ZNF420: variants seen among roughly 807,000 people sequenced by gnomAD.
The protein encoded by ZNF420 is zinc finger protein 420.
ZNF420 carries 31 observed loss-of-function variants against 44.7 expected under a neutral mutation model. The ratio of observed to expected loss-of-function variants is 0.69; its 90% CI spans 0.52 to 0.94. ZNF420 has a LOEUF of 0.94. Ranked by LOEUF, ZNF420 falls within the 40% of genes least tolerant of loss-of-function variation. ZNF420 has a pLI of 0.00. For missense variants in ZNF420, 681 were observed against 827.9 expected, an observed-to-expected ratio of 0.82 and a Z score of 2.18; for synonymous variants, 245 against 267.4, an observed-to-expected ratio of 0.92 and a Z score of 0.82.
chr19:37,068,590 A>G (rs8102364), intron 1 of ZNF420, among the ~76,000 whole-genome samples: 3,673 of 152,294 alleles, frequency 0.024, 161 homozygotes, highest in African/African-American at 0.083. Flanking sequence ...TGGTGAGCCA[A>G]GATTGTGCCA....
At chr19:37,064,903 T>C (rs776719670) in intron 1 of ZNF420, among the ~76,000 whole-genome samples, 1 of 151,858 alleles carries the variant, frequency 6.6e-6, no homozygotes. Context: ...AAAAGACAGT[T>C]TGAGAGAGAA....
chr19:37,012,455 C>T (rs1302575157), intron 1 of ZNF420, among the ~76,000 whole-genome samples: 2 of 152,352 alleles, frequency 1.3e-5, no homozygotes, highest in Admixed American at 6.5e-5. Context: ...GGCCCTGAGG[C>T]TCCGGCCTGA....
At chr19:37,111,752 A>T (rs1465914838) in intron 4 of ZNF420, 1 of 152,160 alleles carries the variant, frequency 6.6e-6, no homozygotes, top group African/African-American at 2.4e-5. Flanking sequence ...GTTCTTTATT[A>T]TTTATGGCTG....
chr19:37,100,712 T>TG (rs1555762700), intron 4 of ZNF420, among the ~76,000 whole-genome samples: 3 of 103,392 alleles, frequency 2.9e-5, no homozygotes, highest in African/African-American at 1.4e-4. Flanking sequence ...AAACTCCATC[T>TG]CAAAAAAAAA....
At chr19:37,012,505 G>A (rs546422114) in intron 1 of ZNF420, among the ~76,000 whole-genome samples, 38 of 152,216 alleles carry the variant, frequency 2.5e-4, no homozygotes, top group Non-Finnish European at 5.0e-4. Context: ...CGGATGCCAA[G>A]AGTGGTGGAG....
intron 1 of ZNF420, among the ~76,000 whole-genome samples, chr19:37,018,205 G>A (rs1406755124): frequency 3.9e-5 from 6 of 152,166 alleles, no homozygotes; most frequent in African/African-American, 1.4e-4. Context: ...ATTTAATATT[G>A]TTAATATGTC....
At chr19:37,023,279 G>A (rs976713935) in intron 1 of ZNF420, among the ~76,000 whole-genome samples, 8 of 152,220 alleles carry the variant, frequency 5.3e-5, no homozygotes, top group African/African-American at 1.9e-4. Flanking sequence ...GCAATGCAAT[G>A]CTTTCCTATA....
intron 1 of ZNF420, among the ~76,000 whole-genome samples, chr19:37,015,479 C>T (rs1430442480): frequency 6.6e-6 from 1 of 152,126 alleles, no homozygotes; most frequent in Non-Finnish European, 1.5e-5. Flanking sequence ...CCTCAGGATC[C>T]CCTTGAGCCC....
At chr19:37,047,405 A>G (rs1967561427) in intron 1 of ZNF420, among the ~76,000 whole-genome samples, 1 of 152,194 alleles carries the variant, frequency 6.6e-6, no homozygotes, top group Admixed American at 6.5e-5. Flanking sequence ...TGCACAAGGC[A>G]TTATCTTAGA....
intron 1 of ZNF420, among the ~76,000 whole-genome samples, chr19:37,012,167 A>G (rs548826606): frequency 6.6e-6 from 1 of 151,760 alleles, no homozygotes; most frequent in South Asian, 2.1e-4. Flanking sequence ...TGAGGACAGG[A>G]CTCCTGGTGG....
At position 37,128,471 on chromosome 19, in the gene ZNF420, C is replaced by G. The variant is rs1269806343; in HGVS notation, c.1480C>G (p.Gln494Glu). Residue 494 changes from glutamine to glutamate, a missense_variant, in exon 5 of 5, where the codon CAG becomes GAG. Gln to Glu is a conservative substitution (Grantham distance 29). Around this residue, in one of 3 missense-constraint regions of ZNF420, gnomAD observed 280 missense variants for 338.6 expected, o/e 0.83. Transcript: ENST00000337995. ...FIRGSQLTQH[Q>E]RIHTGEKPYE... Reference sequence around the variant, plus strand: ...TCGTGGTTCCCAGCTTACTCAACATCAGAGAATCCATACTGGTGAGAAACC... The same window carrying G: ...TCGTGGTTCCCAGCTTACTCAACATGAGAGAATCCATACTGGTGAGAAACC... 3.1e-6 allele frequency: 5 copies of G among 1,614,028 alleles called. No homozygotes were observed. The East Asian group carries it at 1.1e-4, about 36-fold the overall frequency.
intron 1 of ZNF420, among the ~76,000 whole-genome samples, chr19:37,056,876 C>G (rs1450175952): frequency 6.6e-6 from 1 of 152,236 alleles, no homozygotes; most frequent in Admixed American, 6.5e-5. Context: ...CGCCGCCTAC[C>G]GGACCGGGGA....
At chr19:37,015,411 G>A (rs965785706) in intron 1 of ZNF420, among the ~76,000 whole-genome samples, 3 of 152,084 alleles carry the variant, frequency 2.0e-5, no homozygotes, top group Admixed American at 1.3e-4. Flanking sequence ...AAGAACAGAC[G>A]CCTCCTAGGG....
chr19:37,012,676 T>C (rs1356416746), intron 1 of ZNF420, among the ~76,000 whole-genome samples: 1 of 152,110 alleles, frequency 6.6e-6, no homozygotes, highest in African/African-American at 2.4e-5. Context: ...GGCTGCTCTC[T>C]CACCCGAGAG....
rs770036154 is a variant in ZNF420 at position 37,129,028 on chromosome 19, C to A, written c.2037C>A (p.Asp679Glu). ...KSFEYKECGI[D>E]FSHGSQVYM Reference sequence around the variant, plus strand: ...TTGAATATAAGGAATGTGGGATTGACTTTAGTCATGGCTCACAAGTTTACA... The same window carrying A: ...TTGAATATAAGGAATGTGGGATTGAATTTAGTCATGGCTCACAAGTTTACA... The change falls in exon 5 of 5, where the codon GAC (aspartate) becomes GAA (glutamate). Residue 679 changes from aspartate (D) to glutamate (E), a missense_variant. This residue lies in a region of ZNF420 where 280 missense variants were observed against 338.6 expected (regional missense o/e 0.83). Coordinates refer to ENST00000337995, the MANE Select transcript of ZNF420 (RefSeq NM_144689.5). 1 of 1,612,422 alleles carries A rather than the reference C, an allele frequency of 6.2e-7. No individual in the cohort carries two copies. The highest frequency in any genetic ancestry group is 1.7e-5 in the Admixed American group (1 of 60,010).
In ZNF420 at chr19:37,089,101, C is replaced by G; in HGVS notation, c.-18C>G. The G allele has an allele frequency of 2.5e-6, 4 of 1,612,800 alleles. No individual in the cohort carries two copies. The highest frequency in any genetic ancestry group is 3.4e-6 in the Non-Finnish European group (4 of 1,178,816). Reference sequence around the variant, plus strand: ...GAACCCAGAAGAGGACTGATCATTTCTTGCAGCTCTAAAAACCATGGCTCG... The same window carrying G: ...GAACCCAGAAGAGGACTGATCATTTGTTGCAGCTCTAAAAACCATGGCTCG... On this transcript the variant is annotated 5_prime_UTR_variant, in exon 3 of 5. Coordinates refer to ENST00000337995, the MANE Select transcript of ZNF420 (RefSeq NM_144689.5).
At chr19:37,013,072 C>G (rs1244232222) in intron 1 of ZNF420, among the ~76,000 whole-genome samples, 1 of 152,084 alleles carries the variant, frequency 6.6e-6, no homozygotes, top group East Asian at 1.9e-4. Flanking sequence ...GTGGGTCCCG[C>G]AGGAGTTGAA....
intron 1 of ZNF420, among the ~76,000 whole-genome samples, chr19:37,055,605 T>C (rs1568431552): frequency 6.6e-6 from 1 of 152,088 alleles, no homozygotes; most frequent in Admixed American, 6.5e-5. Context: ...CGAGTCGGCT[T>C]AGGCAATGCG....
upstream of ZNF420, among the ~76,000 whole-genome samples, chr19:37,074,543 T>C (rs115565021): frequency 1.8e-3 from 271 of 152,284 alleles, 3 homozygotes; most frequent in Middle Eastern, 0.017. Context: ...TGTGTGACCT[T>C]AATTGGGACC....
Sources: gnomAD v4.1 joint callset for allele counts (sites outside exome capture counted in the v4.1 genomes callset) on GRCh38, gnomAD v4.1.1 for gene constraint, gnomAD v4.1.1 regional missense constraint, MANE v1.5 for transcripts, NCBI Gene and HGNC (gene_info 2026-07-23, HGNC 2026-07-21) for gene names.